The following NPHP4 variants were observed in gnomAD, a reference collection of about 807,000 sequenced individuals.
NPHP4 encodes nephrocystin-4.
NPHP4 carries 151 observed loss-of-function variants against 155.8 expected under a neutral mutation model. The observed-to-expected ratio is 0.97, with a 90% confidence interval of 0.85 to 1.11. The LOEUF is 1.11. NPHP4 is among the 50% of genes least tolerant of loss of function. The pLI, the probability that NPHP4 is intolerant of heterozygous loss-of-function variation, is 0.00. For missense variants in NPHP4, 1,956 were observed against 1,925.7 expected (o/e 1.02, Z -0.29); for synonymous variants, 845 against 816.8 (o/e 1.03, Z -0.59).
At chr1:5,961,158 C>T (rs1650246588) in intron 6 of NPHP4, among the ~76,000 whole-genome samples, 1 of 152,198 alleles carries the variant, frequency 6.6e-6, no homozygotes, top group Non-Finnish European at 1.5e-5. Context: ...CACTGAAGGA[C>T]AAGGACTGCA....
chr1:5,865,440 C>T (rs1381628235), intron 26 of NPHP4, 167 bp from the exon 27 acceptor site: 12 of 578,584 alleles, frequency 2.1e-5, no homozygotes, highest in South Asian at 3.3e-5. Flanking sequence ...GGGAAAGCCC[C>T]GGAGGACCAG....
intron 5 of NPHP4, among the ~76,000 whole-genome samples, chr1:5,965,945 C>A (rs778580682): frequency 4.6e-5 from 7 of 152,158 alleles, no homozygotes; most frequent in African/African-American, 1.7e-4. Context: ...CAGCTGCGCA[C>A]GTGCACGCTT....
At chr1:5,991,447 G>A (rs561759555) in intron 1 of NPHP4, 3 of 152,298 alleles carry the variant, frequency 2.0e-5, no homozygotes, top group Non-Finnish European at 2.9e-5. Context: ...ACACACGCGA[G>A]AGGCTGGATT....
In NPHP4 at chr1:5,900,898, T is replaced by C. The variant is rs376838983; in HGVS notation, c.2143+3719A>G. The stretch of plus-strand genomic sequence containing the variant: ...CTACAAAAAAAATATTAGTTGGGCA[T>C]GGTGGTGCATGCCTGTGGTCCCAGC... On this transcript the variant is annotated intron_variant, in intron 16 of 29. Transcript: ENST00000378156. 5.0e-4 allele frequency among the ~76,000 whole-genome samples: 76 copies of C among 152,134 alleles called. 1 individual carries two copies. Among genetic ancestry groups the C allele is most frequent in the African/African-American group, 1.7e-3 (69 of 41,516 alleles).
chr1:5,866,825 G>A (rs954741370), intron 25 of NPHP4, among the ~76,000 whole-genome samples: 1 of 152,096 alleles, frequency 6.6e-6, no homozygotes, highest in African/African-American at 2.4e-5. Flanking sequence ...GATGATCAAG[G>A]AGCTGATCTG....
intron 3 of NPHP4, among the ~76,000 whole-genome samples, chr1:5,971,230 A>G (rs1359947875): frequency 2.0e-5 from 3 of 152,164 alleles, no homozygotes; most frequent in Admixed American, 1.3e-4. Context: ...TCTGTTTACC[A>G]CTAAAAATAA....
intron 9 of NPHP4, among the ~76,000 whole-genome samples, chr1:5,936,166 T>G (rs1039107559): frequency 6.6e-6 from 1 of 152,242 alleles, no homozygotes; most frequent in Non-Finnish European, 1.5e-5. Context: ...GTCAGTTACA[T>G]AAACATGCAT....
intron 29 of NPHP4, 131 bp downstream of exon 29, chr1:5,863,759 C>T: frequency 1.0e-6 from 1 of 969,420 alleles, no homozygotes; most frequent in East Asian, 2.5e-5. Flanking sequence ...TGGGATGGTA[C>T]CTGTCACCGC....
intron 29 of NPHP4, 117 bp downstream of exon 29, chr1:5,863,773 G>C (rs1640887534): frequency 8.7e-7 from 1 of 1,149,374 alleles, no homozygotes; most frequent in African/African-American, 1.5e-5. Context: ...TCACCGCCCT[G>C]GGGCTTTTGG....
intron 22 of NPHP4, 116 bp downstream of exon 22, chr1:5,874,355 C>A: frequency 9.4e-7 from 1 of 1,062,520 alleles, no homozygotes; most frequent in South Asian, 1.8e-5. Flanking sequence ...GGCGGCAGCC[C>A]CAAGGCTAGT....
intron 11 of NPHP4, among the ~76,000 whole-genome samples, chr1:5,918,072 T>A (rs867458369): frequency 2.0e-5 from 3 of 152,184 alleles, no homozygotes; most frequent in South Asian, 4.1e-4. Flanking sequence ...TTTGTTACCA[T>A]AGCAAATTCG....
chr1:5,868,551 T>G (rs1026134985), intron 23 of NPHP4, among the ~76,000 whole-genome samples: 3 of 145,278 alleles, frequency 2.1e-5, no homozygotes, highest in Admixed American at 2.0e-4. Flanking sequence ...CATGCACTCA[T>G]GCACCCACAC....
Position 5,877,031 on chromosome 1 carries a change from T to C in NPHP4, c.2817+62A>G, listed in dbSNP as rs1622955. The C allele has an allele frequency of 0.9, 990,215 of 1,094,510 alleles. 448,795 individuals carry two copies. The highest frequency in any genetic ancestry group is 0.98 in the African/African-American group (60,637 of 62,036). The allele number at this position is 1,094,510 out of a possible 1,614,324, so 67.8% of individuals were successfully genotyped here. A position where few individuals can be genotyped will look rare whatever the true frequency, so the allele number is the denominator to read the frequency against. On this transcript the variant is annotated intron_variant, in intron 20 of 29. Coordinates refer to ENST00000378156, the MANE Select transcript of NPHP4 (RefSeq NM_015102.5). ...AATCATGTGGGAGGCAGGGAAAGGA[T>C]GTGCACAGTGACTCAGTCTGCATGG...
rs138192526 is a variant in NPHP4 at position 5,908,533 on chromosome 1, C to A, written c.1503+619G>T. On this transcript the variant is annotated intron_variant, in intron 12 of 29. Transcript: ENST00000378156. Reference sequence around the variant, plus strand: ...GGCCAGCCTTGGAGCCACAGGTGAGCGCCACGGGTGTCTCGGGACTCCAGA... The same window carrying A: ...GGCCAGCCTTGGAGCCACAGGTGAGAGCCACGGGTGTCTCGGGACTCCAGA... 3.4e-3 allele frequency among the ~76,000 whole-genome samples: 523 copies of A among 152,302 alleles called. 6 individuals are homozygous for A. Among genetic ancestry groups the A allele is most frequent in the African/African-American group, 0.012 (488 of 41,558 alleles).
intron 16 of NPHP4, among the ~76,000 whole-genome samples, chr1:5,891,234 T>C (rs1470666454): frequency 2.0e-5 from 3 of 152,234 alleles, no homozygotes; most frequent in Non-Finnish European, 2.9e-5. Flanking sequence ...TTCTTTCGCA[T>C]AGAAACAATA....
intron 11 of NPHP4, among the ~76,000 whole-genome samples, chr1:5,912,537 C>CAAAAAAAAAAAAAAAA (rs752371714): frequency 2.6e-5 from 2 of 77,896 alleles, no homozygotes; most frequent in African/African-American, 7.8e-5. Context: ...GACTCCGTCT[C>CAAAAAAAAAAAAAAAA]AAAAAAAAAA....
At chr1:5,888,200 G>T in intron 17 of NPHP4, 1 of 439,648 alleles carries the variant, frequency 2.3e-6, no homozygotes, top group Non-Finnish European at 3.0e-6. Flanking sequence ...GGACTTTCCT[G>T]ACCACGGGCT....
At chr1:5,927,622 G>A (rs1385883133) in intron 11 of NPHP4, 27 bp downstream of exon 11, 4 of 1,581,490 alleles carry the variant, frequency 2.5e-6, no homozygotes, top group East Asian at 2.3e-5. Context: ...CATGTGCCTG[G>A]CCAGTCAGCT....
rs1557575450 is a variant in NPHP4 at position 5,863,336 on chromosome 1, TCTC to T, written c.4207_4209del (p.Glu1403del). 2 of 1,613,900 alleles carry T rather than the reference TCTC, an allele frequency of 1.2e-6. No individual in the cohort carries two copies. Among genetic ancestry groups the T allele is most frequent in the South Asian group, 2.2e-5 (2 of 91,080 alleles). The stretch of plus-strand genomic sequence containing the variant: ...TCATGGTCATTGATGTAGATCAGGA[TCTC>T]CTCCTCACCCACTCTCTGACTAGGC... On this transcript the variant is annotated inframe_deletion, in exon 30 of 30. Coordinates refer to ENST00000378156, the MANE Select transcript of NPHP4 (RefSeq NM_015102.5).
Sources: allele counts gnomAD v4.1 joint callset (sites outside exome capture counted in the v4.1 genomes callset), GRCh38; gene constraint gnomAD v4.1.1; transcripts MANE v1.5; gene names NCBI Gene and HGNC (gene_info 2026-07-23, HGNC 2026-07-21).